The following NRAP variants were observed in gnomAD, a reference collection of about 807,000 sequenced individuals.
NRAP encodes the protein nebulin related anchoring protein, also known as nebulin-related-anchoring protein.
Under a neutral mutation model 225.9 loss-of-function variants are expected in NRAP, and 189 were observed. That is an observed-to-expected ratio of 0.84 (90% CI 0.74 to 0.94). The LOEUF (loss-of-function observed/expected upper bound fraction) is 0.94. NRAP is among the 40% of genes least tolerant of loss of function. The pLI, the probability that NRAP is intolerant of heterozygous loss-of-function variation, is 0.00. For synonymous variants in NRAP, 769 were observed against 790.7 expected (o/e 0.97, Z 0.46); for missense variants, 2,176 against 2,168.7 (o/e 1.00, Z -0.07).
At chr10:113,624,772 TG>T in intron 22 of NRAP, 53 bp downstream of exon 22, 1 of 1,267,698 alleles carries the variant, frequency 7.9e-7, no homozygotes, top group Non-Finnish European at 1.1e-6. Context: ...GTTTACCAGG[TG>T]GCTATACACA....
intron 32 of NRAP, among the ~76,000 whole-genome samples, chr10:113,606,609 A>C (rs539578734): frequency 1.3e-5 from 2 of 152,346 alleles, no homozygotes; most frequent in African/African-American, 4.8e-5. Flanking sequence ...CATAAAGATC[A>C]TACAAAGACC....
Position 113,620,605 on chromosome 10 carries a change from T to C in NRAP, c.2873A>G (p.Glu958Gly), listed in dbSNP as rs1450957691. The change falls in exon 25 of 42, where the codon GAG becomes GGG. Residue 958 changes from glutamate (E) to glycine (G), a missense_variant and splice_region_variant. Physicochemically the swap from Glu to Gly is moderately conservative, Grantham distance 98. Around this residue, in one of 3 missense-constraint regions of NRAP, gnomAD observed 1,708 missense variants for 1,695.5 expected, o/e 1.01. Transcript: ENST00000359988. Reference sequence around the variant, plus strand: ...TTACAGGCTGTCAGGAAATCTCACCTCGCTAATGAGTTCTCCTGCCTTCTT... The same window carrying C: ...TTACAGGCTGTCAGGAAATCTCACCCCGCTAATGAGTTCTCCTGCCTTCTT... Reference protein sequence around the residue: ...QAKKAGELISEKKYRQHPDAL... With the variant: ...QAKKAGELISGKKYRQHPDAL... 1.3e-6 allele frequency: 2 copies of C among 1,599,732 alleles called. No individual in the cohort carries two copies. Among genetic ancestry groups the C allele is most frequent in the Non-Finnish European group, 1.7e-6 (2 of 1,167,080 alleles).
intron 14 of NRAP, 48 bp from the exon 15 acceptor site, chr10:113,634,258 G>GAAAAGACAAAAAGATGTC: frequency 1.5e-6 from 2 of 1,350,140 alleles, no homozygotes; most frequent in Non-Finnish European, 1.1e-6. Context: ...TTTTCTCAAA[G>GAAAAGACAAAAAGATGTC]ATTTGCTTAG....
chr10:113,663,746 A>G, intron 1 of NRAP, 65 bp downstream of exon 1: 6 of 1,109,258 alleles, frequency 5.4e-6, no homozygotes, highest in South Asian at 1.3e-5. Flanking sequence ...ACCTATGTCC[A>G]TATGTGAGAA....
Position 113,650,127 on chromosome 10 carries a change from T to G in NRAP, c.798A>C (p.Gln266His). 6.2e-7 allele frequency: 1 copy of G among 1,609,306 alleles called. No individual in the cohort carries two copies. The highest frequency in any genetic ancestry group is 8.5e-7 in the Non-Finnish European group (1 of 1,175,826). Residue 266 changes from glutamine to histidine, a missense_variant, in exon 9 of 42, where the codon CAA becomes CAC. Coordinates refer to ENST00000359988, the MANE Select transcript of NRAP (RefSeq NM_198060.4). The stretch of plus-strand genomic sequence containing the variant: ...TTCCCCTCATTTCTTTTTGATATTG[T>G]TGATGGTACCTCACCTGTTTTAAGG... Reference protein sequence around the residue: ...NELASDVRYHQQYQKEMRGMA... With the variant: ...NELASDVRYHHQYQKEMRGMA...
chr10:113,643,630 C>T (rs1849336704), intron 11 of NRAP, among the ~76,000 whole-genome samples: 1 of 152,160 alleles, frequency 6.6e-6, no homozygotes, highest in African/African-American at 2.4e-5. Flanking sequence ...CTCCCGGGTG[C>T]CTGGATGTAG....
Position 113,600,952 on chromosome 10 carries a change from G to A in NRAP, c.4228-2879C>T, listed in dbSNP as rs1309021764. 5.3e-5 allele frequency among the ~76,000 whole-genome samples: 8 copies of A among 152,184 alleles called. 1 individual carries two copies. Among genetic ancestry groups the A allele is most frequent in the African/African-American group, 1.9e-4 (8 of 41,444 alleles). Reference sequence around the variant, plus strand: ...AAAAACTGAGTCCCGAGAGCTTAAGGAGTCTACCTTAGGTCACACAGCTGT... The same window carrying A: ...AAAAACTGAGTCCCGAGAGCTTAAGAAGTCTACCTTAGGTCACACAGCTGT... On this transcript the variant is annotated intron_variant, in intron 35 of 41. Transcript: ENST00000359988.
At chr10:113,647,552 T>C (rs61865009) in intron 9 of NRAP, among the ~76,000 whole-genome samples, 13,236 of 57,710 alleles carry the variant, frequency 0.23, 1,603 homozygotes, top group East Asian at 0.35. Flanking sequence ...GGTGGTACTG[T>C]CTCCCCCAGT....
At chr10:113,644,352 G>A (rs1262974498) in intron 11 of NRAP, among the ~76,000 whole-genome samples, 1 of 152,050 alleles carries the variant, frequency 6.6e-6, no homozygotes, top group African/African-American at 2.4e-5. Flanking sequence ...CTGTGAGTGA[G>A]AGCAAAGGCC....
intron 23 of NRAP, 39 bp downstream of exon 23, chr10:113,623,490 G>A (rs775281548): frequency 1.5e-6 from 2 of 1,342,628 alleles, no homozygotes; most frequent in Admixed American, 1.8e-5. Context: ...AAAAAGGCAG[G>A]ATTCTGCGGT....
At position 113,624,742 on chromosome 10, in the gene NRAP, T is replaced by G. The variant is rs1455373659; in HGVS notation, c.2349+84A>C. 6 of 899,574 alleles carry G rather than the reference T, an allele frequency of 6.7e-6. No homozygotes were observed. The Admixed American group carries it at 1.1e-4, about 16-fold the overall frequency. The allele number at this position is 899,574 out of a possible 1,614,324, so 55.7% of individuals were successfully genotyped here. A position where few individuals can be genotyped will look rare whatever the true frequency, so the allele number is the denominator to read the frequency against. On this transcript the variant is annotated intron_variant, in intron 22 of 41. Coordinates refer to ENST00000359988, the MANE Select transcript of NRAP (RefSeq NM_198060.4). ...GTAACCTCAGTTGATACAGACACTA[T>G]GCCATGGCTGGTGGGCTTGGTTTAC... is the stretch of plus-strand genomic sequence containing the variant.
intron 29 of NRAP, among the ~76,000 whole-genome samples, chr10:113,613,141 C>G (rs1194158673): frequency 6.6e-6 from 1 of 152,116 alleles, no homozygotes; most frequent in Non-Finnish European, 1.5e-5. Flanking sequence ...TCTGGCCACC[C>G]CTCCCTGACC....
intron 13 of NRAP, among the ~76,000 whole-genome samples, 163 bp from the exon 14 acceptor site, chr10:113,640,494 T>C (rs1849140147): frequency 6.6e-6 from 1 of 152,228 alleles, no homozygotes; most frequent in African/African-American, 2.4e-5. Flanking sequence ...CTTTAATGAA[T>C]CTGAATTCCT....
At position 113,625,067 on chromosome 10, in the gene NRAP, A is replaced by T. The variant is rs1295383296; in HGVS notation, c.2245-137T>A. 8.2e-6 allele frequency: 5 copies of T among 607,836 alleles called. No homozygotes were observed. In the African/African-American group the frequency reaches 9.2e-5, roughly 11 times the overall value. 37.7% of individuals were successfully genotyped at this position (607,836 alleles called of 1,614,324 possible). A position where few individuals can be genotyped will look rare whatever the true frequency, so the allele number is the denominator to read the frequency against. ...TCCATTACAAAACCCACCAGATCAGACTCTGAGTGGCAGGATACAGTCAAG... is the reference window on the plus strand; with the variant it reads ...TCCATTACAAAACCCACCAGATCAGTCTCTGAGTGGCAGGATACAGTCAAG... On this transcript the variant is annotated intron_variant, in intron 21 of 41. Coordinates refer to ENST00000359988, the MANE Select transcript of NRAP (RefSeq NM_198060.4).
chr10:113,608,885 A>T (rs1847162538), intron 31 of NRAP, among the ~76,000 whole-genome samples: 1 of 152,228 alleles, frequency 6.6e-6, no homozygotes, highest in South Asian at 2.1e-4. Flanking sequence ...CATGCCAGGC[A>T]TAGTGGCTCA....
intron 10 of NRAP, 127 bp downstream of exon 10, chr10:113,646,796 T>A: frequency 1.4e-6 from 1 of 712,858 alleles, no homozygotes; most frequent in East Asian, 2.5e-5. Flanking sequence ...GGATGGGAGT[T>A]GAGGGCTAAC....
In NRAP at chr10:113,629,675, G is replaced by A; in HGVS notation, c.1953C>T (p.Asp651=). Reference sequence around the variant, plus strand: ...TGTATTCATGCAGTTTCTTCCTGTAGTCCAGGTCACTGGCGAGAGTTTGGG... The same window carrying A: ...TGTATTCATGCAGTTTCTTCCTGTAATCCAGGTCACTGGCGAGAGTTTGGG... The part of the protein sequence containing the change: ...KKAQTLASDL[D]YRKKLHEYTV... The change falls in exon 19 of 42, where the codon GAC becomes GAT. Residue 651 remains aspartate, a synonymous_variant. Coordinates refer to ENST00000359988, the MANE Select transcript of NRAP (RefSeq NM_198060.4). 1 of 1,613,946 alleles carries A rather than the reference G, an allele frequency of 6.2e-7. No homozygotes were observed.
In NRAP at chr10:113,633,169, T is replaced by C; in HGVS notation, c.1547A>G (p.Tyr516Cys). The change falls in exon 16 of 42, where the codon TAT (tyrosine) becomes TGT (cysteine). Residue 516 changes from tyrosine to cysteine, a missense_variant. Tyr to Cys is a radical substitution (Grantham distance 194). This residue lies in a region of NRAP where 1,708 missense variants were observed against 1,695.5 expected (regional missense o/e 1.01). Coordinates refer to ENST00000359988, the MANE Select transcript of NRAP (RefSeq NM_198060.4). ...TGTGTAATTCAACTTATTTTTCTCA[T>C]AGTCAGCACGGTAATTCACCTGTTG... ...QLSHVNYRADYEKNKLNYTLP... is the reference protein window; with the variant it reads ...QLSHVNYRADCEKNKLNYTLP... 7 of 1,596,794 alleles carry C rather than the reference T, an allele frequency of 4.4e-6. No homozygotes were observed. Among genetic ancestry groups the C allele is most frequent in the Non-Finnish European group, 6.0e-6 (7 of 1,164,318 alleles).
intron 35 of NRAP, among the ~76,000 whole-genome samples, chr10:113,601,613 T>G (rs1170070491): frequency 2.6e-5 from 4 of 152,252 alleles, no homozygotes; most frequent in African/African-American, 9.6e-5. Flanking sequence ...AATGTCAGCA[T>G]AAGATTGCCA....
Sources: gnomAD v4.1 joint callset for allele counts (sites outside exome capture counted in the v4.1 genomes callset) on GRCh38, gnomAD v4.1.1 for gene constraint, gnomAD v4.1.1 regional missense constraint, MANE v1.5 for transcripts, NCBI Gene and HGNC (gene_info 2026-07-23, HGNC 2026-07-21) for gene names.